TMEM150C: variants seen among roughly 807,000 people sequenced by gnomAD.
TMEM150C encodes the protein tentonin 3.
TMEM150C carries 10 observed loss-of-function variants against 29.9 expected under a neutral mutation model. The ratio of observed to expected loss-of-function variants is 0.33; its 90% CI spans 0.21 to 0.57. TMEM150C has a LOEUF of 0.57. Among genes scored for constraint, TMEM150C ranks in the 20% least tolerant of loss-of-function variants. The pLI is 0.88. For synonymous variants in TMEM150C, 101 were observed against 112.5 expected, an observed-to-expected ratio of 0.90 and a Z score of 0.64; for missense variants, 251 against 303.6, an observed-to-expected ratio of 0.83 and a Z score of 1.29.
intron 2 of TMEM150C, among the ~76,000 whole-genome samples, chr4:82,503,376 C>A (rs1196086061): frequency 6.6e-6 from 1 of 152,142 alleles, no homozygotes; most frequent in East Asian, 1.9e-4. Flanking sequence ...ATAGAACTTA[C>A]AACTTTGAGC....
In TMEM150C at chr4:82,503,162, CATTT is replaced by C. The variant is rs750712196; in HGVS notation, c.81-54_81-51del. The C allele has an allele frequency of 6.2e-5, 84 of 1,352,458 alleles. 1 individual carries two copies. The South Asian group carries it at 9.9e-4, about 16-fold the overall frequency. 83.8% of individuals were successfully genotyped at this position (1,352,458 alleles called of 1,614,324 possible). On this transcript the variant is annotated intron_variant, in intron 2 of 7. Transcript: ENST00000449862. Reference sequence around the variant, plus strand: ...GAACAAAGAAATTGGAAAAAAGAATCATTTGTTTCCCAGTTTTATTAAACTAACT... The same window carrying C: ...GAACAAAGAAATTGGAAAAAAGAATCGTTTCCCAGTTTTATTAAACTAACT...
intron 5 of TMEM150C, among the ~76,000 whole-genome samples, chr4:82,500,137 G>A (rs1723691335): frequency 1.3e-5 from 2 of 152,130 alleles, no homozygotes; most frequent in African/African-American, 4.8e-5. Context: ...ATTCTCTAAA[G>A]AAAATAATTG....
intron 1 of TMEM150C, among the ~76,000 whole-genome samples, chr4:82,535,878 C>A (rs1724986246): frequency 6.6e-6 from 1 of 152,056 alleles, no homozygotes; most frequent in South Asian, 2.1e-4. Context: ...ACTTGTGCAT[C>A]CTAAGGTGTT....
chr4:82,536,531 C>T (rs756002423), intron 1 of TMEM150C, among the ~76,000 whole-genome samples: 17 of 151,874 alleles, frequency 1.1e-4, no homozygotes, highest in African/African-American at 3.6e-4. Flanking sequence ...AGAAAACTTA[C>T]GTAAATATTT....
At chr4:82,538,585 C>T (rs980968360) in intron 1 of TMEM150C, among the ~76,000 whole-genome samples, 1 of 151,798 alleles carries the variant, frequency 6.6e-6, no homozygotes, top group African/African-American at 2.4e-5. Context: ...ATACTTATTG[C>T]CCTGATAAAT....
intron 1 of TMEM150C, among the ~76,000 whole-genome samples, chr4:82,516,339 A>G (rs562388024): frequency 6.6e-6 from 1 of 152,296 alleles, no homozygotes; most frequent in South Asian, 2.1e-4. Context: ...TAATTCTTCC[A>G]TGCTCCATTC....
intron 1 of TMEM150C, among the ~76,000 whole-genome samples, chr4:82,545,153 T>C (rs2110089536): frequency 6.6e-6 from 1 of 152,292 alleles, no homozygotes; most frequent in South Asian, 2.1e-4. Context: ...CTCAACAAAA[T>C]ACTAGCAAAT....
At chr4:82,514,370 G>T (rs1373850823) in intron 1 of TMEM150C, among the ~76,000 whole-genome samples, 1 of 152,188 alleles carries the variant, frequency 6.6e-6, no homozygotes, top group East Asian at 1.9e-4. Flanking sequence ...GAGTATGAGT[G>T]CAGAAGTCGG....
At chr4:82,530,806 T>C (rs1724820039) in intron 1 of TMEM150C, among the ~76,000 whole-genome samples, 1 of 152,162 alleles carries the variant, frequency 6.6e-6, no homozygotes, top group Non-Finnish European at 1.5e-5. Context: ...TAGTAGCTTC[T>C]GGAGAGGCCT....
chr4:82,496,986 A>G (rs1723578523), intron 5 of TMEM150C, among the ~76,000 whole-genome samples: 1 of 152,238 alleles, frequency 6.6e-6, no homozygotes, highest in African/African-American at 2.4e-5. Flanking sequence ...AGAAAACTCA[A>G]TTCCTGAAAA....
chr4:82,528,920 A>T (rs972509279), intron 1 of TMEM150C, among the ~76,000 whole-genome samples: 9 of 152,118 alleles, frequency 5.9e-5, no homozygotes, highest in Non-Finnish European at 1.3e-4. Flanking sequence ...TTTGAGGCAC[A>T]AAAGTGGAGA....
At chr4:82,486,676 GGAGTTT>G (rs1723172033) in intron 7 of TMEM150C, among the ~76,000 whole-genome samples, 1 of 152,112 alleles carries the variant, frequency 6.6e-6, no homozygotes, top group South Asian at 2.1e-4. Context: ...CTTGAGCCCA[GGAGTTT>G]GAGGCTGCAG....
At chr4:82,511,148 TA>T (rs1239468469) in intron 1 of TMEM150C, among the ~76,000 whole-genome samples, 29 of 152,262 alleles carry the variant, frequency 1.9e-4, no homozygotes, top group African/African-American at 6.7e-4. Flanking sequence ...ACTTTAAGAG[TA>T]TATGACTTCC....
At chr4:82,528,720 T>C (rs1348027383) in intron 1 of TMEM150C, among the ~76,000 whole-genome samples, 1 of 151,200 alleles carries the variant, frequency 6.6e-6, no homozygotes, top group Non-Finnish European at 1.5e-5. Context: ...TACCTAAGCC[T>C]CCTGGGTAGC....
At chr4:82,537,468 G>A (rs561261325) in intron 1 of TMEM150C, among the ~76,000 whole-genome samples, 1 of 152,090 alleles carries the variant, frequency 6.6e-6, no homozygotes, top group Non-Finnish European at 1.5e-5. Context: ...AAAACAACTG[G>A]GTGATAGGTA....
intron 1 of TMEM150C, among the ~76,000 whole-genome samples, chr4:82,537,573 G>A (rs759752660): frequency 2.0e-5 from 3 of 152,168 alleles, no homozygotes; most frequent in African/African-American, 4.8e-5. Context: ...TCCCTCCAGA[G>A]GATGTGTCCA....
At chr4:82,562,005 G>A, upstream of TMEM150C, 1 of 1,119,916 alleles carries the variant, frequency 8.9e-7, no homozygotes, top group South Asian at 1.8e-5. Context: ...CTTCCTTCAG[G>A]AAGGGGTGGG....
chr4:82,553,493 C>T (rs973683917), intron 1 of TMEM150C, among the ~76,000 whole-genome samples: 3 of 152,202 alleles, frequency 2.0e-5, no homozygotes, highest in African/African-American at 4.8e-5. Context: ...CAAGCCAAGA[C>T]TCTAAGAAAT....
intron 1 of TMEM150C, 97 bp downstream of exon 1, chr4:82,561,809 C>G: frequency 1.1e-6 from 1 of 874,860 alleles, no homozygotes; most frequent in Non-Finnish European, 1.4e-6. Context: ...CAGCCCCCGC[C>G]GTCCCCGGTC....
Sources: allele counts gnomAD v4.1 joint callset (sites outside exome capture counted in the v4.1 genomes callset), GRCh38; gene constraint gnomAD v4.1.1; transcripts MANE v1.5; gene names NCBI Gene and HGNC (gene_info 2026-07-23, HGNC 2026-07-21).